Variants in NTRK3 observed in about 807,000 individuals in gnomAD.
NTRK3 encodes the protein NT-3 growth factor receptor.
Under a neutral mutation model 91.7 loss-of-function variants are expected in NTRK3, and 24 were observed. That is an observed-to-expected ratio of 0.26 (90% CI 0.19 to 0.37). The LOEUF is 0.37. Among genes scored for constraint, NTRK3 ranks in the 10% least tolerant of loss-of-function variants. The probability of loss-of-function intolerance (pLI) is 1.00; values close to 1 mark genes in which losing one functional copy is unlikely to be tolerated. For missense variants in NTRK3, 880 were observed against 1,068.9 expected (o/e 0.82, Z 2.46); for synonymous variants, 483 against 404.0 (o/e 1.20, Z -2.34).
chr15:87,999,353 C>T (rs2075935843), intron 14 of NTRK3, among the ~76,000 whole-genome samples: 1 of 152,192 alleles, frequency 6.6e-6, no homozygotes, highest in African/African-American at 2.4e-5. Context: ...TCTAAGGTCC[C>T]TCTAGCAGCA....
At chr15:88,226,623 G>A (rs1191299180) in intron 3 of NTRK3, among the ~76,000 whole-genome samples, 2 of 152,234 alleles carry the variant, frequency 1.3e-5, no homozygotes, top group African/African-American at 4.8e-5. Context: ...TGACATACCA[G>A]GGGGAGCACT....
exon 5 of NTRK3, chr15:88,183,430 T>C (rs1198214756): frequency 6.2e-7 from 1 of 1,613,698 alleles, no homozygotes; most frequent in South Asian, 1.1e-5. Context: ...ATAACGCAAA[T>C]GGGGGTTCTT....
At position 87,936,948 on chromosome 15, in the gene NTRK3, ATC is replaced by A. The variant is rs141966836; in HGVS notation, c.1716+3673_1716+3674del. Among the ~76,000 whole-genome samples, 1,259 of 152,236 alleles carry A rather than the reference ATC, an allele frequency of 8.3e-3. 12 individuals carry two copies. The highest frequency in any genetic ancestry group is 0.031 in the Middle Eastern group (9 of 294). ...GGACTCTATAAGGTCTGGTCTCCCC[ATC>A]TCTCTTTGCGTCCTGTCCTCGCACA... On this transcript the variant is annotated intron_variant, in intron 15 of 18. Transcript: ENST00000394480.
chr15:88,007,373 C>T (rs897093856), intron 14 of NTRK3, among the ~76,000 whole-genome samples: 1 of 152,150 alleles, frequency 6.6e-6, no homozygotes, highest in Admixed American at 6.5e-5. Flanking sequence ...TCAGGCAGAA[C>T]AATCAGGACC....
intron 13 of NTRK3, among the ~76,000 whole-genome samples, chr15:88,120,996 C>A (rs2052641515): frequency 6.6e-6 from 1 of 152,084 alleles, no homozygotes; most frequent in Non-Finnish European, 1.5e-5. Context: ...TAAGAGGAAG[C>A]CAAGAAGTAT....
intron 6 of NTRK3, among the ~76,000 whole-genome samples, chr15:88,139,923 A>AGGGGGGGAGGG (rs2042224032): frequency 2.9e-4 from 1 of 3,456 alleles, no homozygotes; most frequent in Non-Finnish European, 6.7e-4. Flanking sequence ...TTGGGGTGGG[A>AGGGGGGGAGGG]GGGGGGGAGT....
chr15:88,192,759 C>T (rs1336034274), intron 3 of NTRK3, among the ~76,000 whole-genome samples: 1 of 152,082 alleles, frequency 6.6e-6, no homozygotes, highest in Non-Finnish European at 1.5e-5. Flanking sequence ...TTATTCCCAA[C>T]TGGACCTCCT....
chr15:87,929,860 C>A (rs1163132529), intron 16 of NTRK3, among the ~76,000 whole-genome samples: 1 of 152,144 alleles, frequency 6.6e-6, no homozygotes, highest in Non-Finnish European at 1.5e-5. Flanking sequence ...GAAATTGAGG[C>A]ACAAAATGAT....
In NTRK3 at chr15:87,925,323, G is replaced by A. The variant is rs111724979; in HGVS notation, c.2133+3868C>T. 4.9e-3 allele frequency among the ~76,000 whole-genome samples: 744 copies of A among 152,118 alleles called. 9 individuals are homozygous for A. Among genetic ancestry groups the A allele is most frequent in the Middle Eastern group, 0.027 (8 of 294 alleles). The stretch of plus-strand genomic sequence containing the variant: ...TGTATGAGCCAGATGGTGCCTCTTC[G>A]TTTTAACAAATTAAAAATGAAAAAG... On this transcript the variant is annotated intron_variant, in intron 17 of 18. Transcript: ENST00000394480.
At chr15:87,990,688 A>G (rs570058174) in intron 14 of NTRK3, among the ~76,000 whole-genome samples, 10 of 152,234 alleles carry the variant, frequency 6.6e-5, no homozygotes, top group African/African-American at 2.4e-4. Context: ...TCCTTCTTCA[A>G]TTATTTCCTG....
chr15:88,042,233 G>T (rs894266036), intron 13 of NTRK3, among the ~76,000 whole-genome samples: 6 of 152,170 alleles, frequency 3.9e-5, no homozygotes, highest in African/African-American at 1.4e-4. Flanking sequence ...TGCTCAGAGA[G>T]GGATTCCATT....
intron 13 of NTRK3, among the ~76,000 whole-genome samples, chr15:88,053,544 A>G (rs527627082): frequency 3.3e-5 from 5 of 152,338 alleles, no homozygotes; most frequent in African/African-American, 9.6e-5. Flanking sequence ...GTGAGGCCAT[A>G]GGTACGTTGG....
intron 3 of NTRK3, among the ~76,000 whole-genome samples, chr15:88,214,613 G>A (rs577081496): frequency 6.6e-6 from 1 of 151,774 alleles, no homozygotes; most frequent in East Asian, 1.9e-4. Context: ...CTTCTTGAAG[G>A]GGAGGTCACT....
intron 13 of NTRK3, among the ~76,000 whole-genome samples, chr15:88,056,702 C>T (rs1302756657): frequency 6.6e-6 from 1 of 152,218 alleles, no homozygotes; most frequent in East Asian, 1.9e-4. Flanking sequence ...ATCTCTGAGG[C>T]AAGATAGCCT....
chr15:88,202,894 C>G (rs1031245852), intron 3 of NTRK3, among the ~76,000 whole-genome samples: 7 of 152,220 alleles, frequency 4.6e-5, no homozygotes, highest in African/African-American at 1.7e-4. Context: ...CACTGGCCAG[C>G]AGGAGAATCT....
intron 14 of NTRK3, among the ~76,000 whole-genome samples, chr15:87,993,365 A>G (rs1280053226): frequency 6.6e-6 from 1 of 152,190 alleles, no homozygotes; most frequent in Admixed American, 6.5e-5. Context: ...TTATGGCCCT[A>G]AAAAATCAAA....
intron 13 of NTRK3, among the ~76,000 whole-genome samples, chr15:88,040,830 C>T (rs2079538303): frequency 6.6e-6 from 1 of 152,230 alleles, no homozygotes; most frequent in Non-Finnish European, 1.5e-5. Context: ...ATACCAACTA[C>T]ATGCCAGATA....
At chr15:87,914,511 C>A (rs1030974917) in intron 17 of NTRK3, among the ~76,000 whole-genome samples, 5 of 152,152 alleles carry the variant, frequency 3.3e-5, no homozygotes, top group African/African-American at 1.2e-4. Context: ...TACTCTTTTC[C>A]CATTACAAAC....
intron 17 of NTRK3, among the ~76,000 whole-genome samples, chr15:87,917,566 G>A (rs2067530839): frequency 6.6e-6 from 1 of 152,180 alleles, no homozygotes. Context: ...GTTTATTTAG[G>A]TATTTGTCAC....
Sources: gnomAD v4.1 joint callset for allele counts (sites outside exome capture counted in the v4.1 genomes callset) on GRCh38, gnomAD v4.1.1 for gene constraint, MANE v1.5 for transcripts, NCBI Gene and HGNC (gene_info 2026-07-23, HGNC 2026-07-21) for gene names.